MGAT5: variants seen among roughly 807,000 people sequenced by gnomAD.
MGAT5 encodes the protein alpha-1,6-mannosylglycoprotein 6-beta-N-acetylglucosaminyltransferase, also known as alpha-1,6-mannosylglycoprotein 6-beta-N-acetylglucosaminyltransferase A.
MGAT5 carries 30 observed loss-of-function variants against 94.3 expected under a neutral mutation model. The observed-to-expected ratio is 0.32, with a 90% CI of 0.24 to 0.43. The LOEUF is 0.43. Among genes scored for constraint, MGAT5 ranks in the 20% least tolerant of loss-of-function variants. The pLI is 1.00. For missense variants in MGAT5, 691 were observed against 905.5 expected (o/e 0.76, Z 3.04); for synonymous variants, 310 against 322.9 (o/e 0.96, Z 0.43).
chr2:134,235,238 C>CCTT (rs1681574402), intron 1 of MGAT5, among the ~76,000 whole-genome samples: 1 of 152,094 alleles, frequency 6.6e-6, no homozygotes. Flanking sequence ...CCCTCAGTAC[C>CCTT]CTTCTACCCA....
At chr2:134,394,552 C>T (rs1301311694) in intron 10 of MGAT5, among the ~76,000 whole-genome samples, 2 of 152,194 alleles carry the variant, frequency 1.3e-5, no homozygotes, top group African/African-American at 4.8e-5. Flanking sequence ...CTCCCCCCTT[C>T]TTGTTACCAA....
chr2:134,208,728 A>G (rs1477859931), intron 1 of MGAT5, among the ~76,000 whole-genome samples: 2 of 152,272 alleles, frequency 1.3e-5, no homozygotes, highest in Admixed American at 1.3e-4. Flanking sequence ...AACAGAGCCT[A>G]GACAAGTTCT....
chr2:134,395,020 A>G (rs971651129), intron 10 of MGAT5, among the ~76,000 whole-genome samples: 1 of 152,256 alleles, frequency 6.6e-6, no homozygotes, highest in Non-Finnish European at 1.5e-5. Context: ...GGTGGAAAAC[A>G]GAAAGCTCTT....
chr2:134,374,873 G>A (rs369159381), intron 10 of MGAT5, among the ~76,000 whole-genome samples: 1 of 152,168 alleles, frequency 6.6e-6, no homozygotes, highest in Non-Finnish European at 1.5e-5. Context: ...TGCTCCTGTG[G>A]TCCCAGCTAC....
intron 11 of MGAT5, among the ~76,000 whole-genome samples, chr2:134,406,494 T>G (rs1683340497): frequency 6.6e-6 from 1 of 152,180 alleles, no homozygotes; most frequent in Admixed American, 6.5e-5. Flanking sequence ...TATGCAGTGC[T>G]CCCTCTGACT....
intron 1 of MGAT5, among the ~76,000 whole-genome samples, chr2:134,172,160 A>T (rs1688240882): frequency 6.6e-6 from 1 of 152,174 alleles, no homozygotes; most frequent in African/African-American, 2.4e-5. Context: ...TCTTATGTAG[A>T]AAGGCTGGCC....
chr2:134,141,114 C>T (rs973566519), intron 1 of MGAT5, among the ~76,000 whole-genome samples: 4 of 152,114 alleles, frequency 2.6e-5, no homozygotes. Flanking sequence ...TCTAGGGTTC[C>T]TGATAGAAAG....
rs138643972 is a variant in MGAT5, at chr2:134,159,188, CGT to C, written c.-143+38933_-143+38934del. On this transcript the variant is annotated intron_variant, in intron 1 of 16. Coordinates refer to the MGAT5 transcript ENST00000409645. ...CTTCTGGAGAACACTGGTCTAAATT[CGT>C]GTGTGTGTGTGTGTGTGTGTGTGTG... is the stretch of plus-strand genomic sequence containing the variant. Among the ~76,000 whole-genome samples the C allele has an allele frequency of 3.3e-3, 474 of 144,086 alleles. 1 individual carries two copies. The highest frequency in any genetic ancestry group is 0.018 in the East Asian group (90 of 4,928). 94.5% of individuals were successfully genotyped at this position (144,086 alleles called of 152,430 possible). A position where few individuals can be genotyped will look rare whatever the true frequency, so the allele number is the denominator to read the frequency against.
chr2:134,229,532 A>T (rs1681242425), intron 1 of MGAT5, among the ~76,000 whole-genome samples: 1 of 152,216 alleles, frequency 6.6e-6, no homozygotes, highest in Admixed American at 6.5e-5. Flanking sequence ...ATGTTTTAAA[A>T]TATTCTATAA....
chr2:134,266,472 C>T (rs1683724827), intron 1 of MGAT5, among the ~76,000 whole-genome samples: 4 of 152,296 alleles, frequency 2.6e-5, no homozygotes, highest in Non-Finnish European at 4.4e-5. Flanking sequence ...CCGCCTGCCT[C>T]GGCCTCCCAA....
At chr2:134,388,563 A>G (rs1166686267) in intron 10 of MGAT5, among the ~76,000 whole-genome samples, 1 of 152,180 alleles carries the variant, frequency 6.6e-6, no homozygotes, top group Non-Finnish European at 1.5e-5. Flanking sequence ...TAAAGATGCA[A>G]ATAAGATCCA....
intron 1 of MGAT5, among the ~76,000 whole-genome samples, chr2:134,130,747 A>G (rs1306592352): frequency 7.0e-6 from 1 of 143,706 alleles, no homozygotes; most frequent in Non-Finnish European, 1.6e-5. Flanking sequence ...TTTTGTGTCT[A>G]GCTAAAGGAT....
intron 1 of MGAT5, among the ~76,000 whole-genome samples, chr2:134,237,131 G>A (rs1681683283): frequency 7.5e-6 from 1 of 134,064 alleles, no homozygotes; most frequent in African/African-American, 2.7e-5. Flanking sequence ...ATATGTGTGT[G>A]TGTGTGTGTG....
chr2:134,448,271 C>T (rs965087517), intron 15 of MGAT5, among the ~76,000 whole-genome samples: 2 of 152,180 alleles, frequency 1.3e-5, no homozygotes, highest in Admixed American at 6.5e-5. Context: ...CTCTCCTGCT[C>T]CTCTCTTCTC....
At chr2:134,155,400 G>A (rs1366495364) in intron 1 of MGAT5, among the ~76,000 whole-genome samples, 1 of 152,234 alleles carries the variant, frequency 6.6e-6, no homozygotes, top group Non-Finnish European at 1.5e-5. Flanking sequence ...GGTTTCTGAA[G>A]TTGGTCTGAT....
intron 1 of MGAT5, among the ~76,000 whole-genome samples, chr2:134,154,366 C>G (rs1469563348): frequency 6.6e-6 from 1 of 152,186 alleles, no homozygotes; most frequent in Non-Finnish European, 1.5e-5. Context: ...CTGCTCCCAC[C>G]CACTCCTCCC....
In MGAT5 at chr2:134,236,465, A is replaced by G. The variant is rs117882433; in HGVS notation, c.-142-17797A>G. ...CACATGTGTCGTGGGAGGTAATTTA[A>G]TCACAGAGACGGTTACCCTTATGCT... is the stretch of plus-strand genomic sequence containing the variant. On this transcript the variant is annotated intron_variant, in intron 1 of 16. Transcript: ENST00000409645. 5.1e-3 allele frequency among the ~76,000 whole-genome samples: 776 copies of G among 152,220 alleles called. 25 individuals are homozygous for G. In the East Asian group the frequency reaches 0.11, roughly 22 times the overall value.
chr2:134,127,126 G>C (rs10175383), intron 1 of MGAT5: 13,345 of 154,598 alleles, frequency 0.086, 1,433 homozygotes, highest in East Asian at 0.28. Flanking sequence ...GAGGCCCCAC[G>C]TGGTGAGGAT....
At chr2:134,188,356 T>A (rs926990807) in intron 1 of MGAT5, among the ~76,000 whole-genome samples, 11 of 152,232 alleles carry the variant, frequency 7.2e-5, no homozygotes, top group Non-Finnish European at 1.5e-4. Context: ...GCTTTTTCTT[T>A]GAATCCTGGC....
Sources: gnomAD v4.1 joint callset for allele counts (sites outside exome capture counted in the v4.1 genomes callset) on GRCh38, gnomAD v4.1.1 for gene constraint, MANE v1.5 for transcripts, NCBI Gene and HGNC (gene_info 2026-07-23, HGNC 2026-07-21) for gene names.